Variants in ELMO1 observed in about 807,000 individuals in gnomAD.
ELMO1 encodes engulfment and cell motility protein 1.
Under a neutral mutation model 98.9 loss-of-function variants are expected in ELMO1, and 26 were observed. That is an observed-to-expected ratio of 0.26 (90% CI 0.19 to 0.36). The LOEUF (loss-of-function observed/expected upper bound fraction) is 0.36, where lower values mean the gene tolerates loss of function less well. Among genes scored for constraint, ELMO1 ranks in the 10% least tolerant of loss-of-function variants. The pLI, the probability that ELMO1 is intolerant of heterozygous loss-of-function variation, is 1.00. For missense variants in ELMO1, 627 were observed against 935.2 expected, an observed-to-expected ratio of 0.67 and a Z score of 4.30; for synonymous variants, 346 against 346.0, an observed-to-expected ratio of 1.00 and a Z score of 0.00.
intron 1 of ELMO1, among the ~76,000 whole-genome samples, chr7:37,389,451 C>T (rs1802967132): frequency 6.6e-6 from 1 of 152,186 alleles, no homozygotes; most frequent in Non-Finnish European, 1.5e-5. Context: ...GAGTGTTTTT[C>T]CCTCCATTGT....
chr7:37,254,128 G>C (rs540190734), intron 6 of ELMO1, among the ~76,000 whole-genome samples: 1 of 152,286 alleles, frequency 6.6e-6, no homozygotes, highest in East Asian at 1.9e-4. Flanking sequence ...TGCAGGACCA[G>C]CAGAAGGAAG....
At chr7:37,120,963 T>C (rs1158665767) in intron 14 of ELMO1, among the ~76,000 whole-genome samples, 1 of 152,160 alleles carries the variant, frequency 6.6e-6, no homozygotes, top group Non-Finnish European at 1.5e-5. Flanking sequence ...CATCTGCTGT[T>C]TACCAATATT....
chr7:36,894,822 T>A, intron 17 of ELMO1, 32 bp downstream of exon 17: 2 of 1,613,656 alleles, frequency 1.2e-6, no homozygotes, highest in Non-Finnish European at 1.7e-6. Flanking sequence ...TAGAGTCTTT[T>A]GGGAGATAGA....
intron 13 of ELMO1, among the ~76,000 whole-genome samples, chr7:37,198,097 T>C (rs959531473): frequency 1.3e-5 from 2 of 152,322 alleles, no homozygotes; most frequent in African/African-American, 4.8e-5. Flanking sequence ...ACATGCTAAT[T>C]CCTGAGTAGC....
At chr7:37,447,698 C>G (rs1217146476) in intron 1 of ELMO1, among the ~76,000 whole-genome samples, 2 of 146,660 alleles carry the variant, frequency 1.4e-5, no homozygotes, top group Admixed American at 6.8e-5. Flanking sequence ...CACATACATA[C>G]GCGCGCGCGC....
At chr7:36,953,866 T>C (rs1788217037) in intron 16 of ELMO1, among the ~76,000 whole-genome samples, 1 of 137,420 alleles carries the variant, frequency 7.3e-6, no homozygotes, top group African/African-American at 3.3e-5. Flanking sequence ...TGTGTGTGTG[T>C]GTGTGTGTGT....
chr7:37,137,392 T>C (rs112600330), intron 13 of ELMO1, among the ~76,000 whole-genome samples: 3,506 of 152,202 alleles, frequency 0.023, 144 homozygotes, highest in African/African-American at 0.081. Flanking sequence ...AAAGAAACAA[T>C]GGACTTAAAC....
At chr7:37,417,923 A>G (rs987505805) in intron 1 of ELMO1, among the ~76,000 whole-genome samples, 1 of 152,176 alleles carries the variant, frequency 6.6e-6, no homozygotes, top group Non-Finnish European at 1.5e-5. Context: ...GCTTGGAGTG[A>G]TACTGCACAA....
chr7:37,304,907 G>A (rs1798531298), intron 4 of ELMO1, among the ~76,000 whole-genome samples: 1 of 152,090 alleles, frequency 6.6e-6, no homozygotes, highest in Non-Finnish European at 1.5e-5. Context: ...GTTGTTCCTC[G>A]GTTATTGGAA....
At chr7:37,011,265 T>C (rs567637975) in intron 16 of ELMO1, among the ~76,000 whole-genome samples, 16 of 152,318 alleles carry the variant, frequency 1.1e-4, no homozygotes, top group Middle Eastern at 3.4e-3. Context: ...ACAGGCAGGA[T>C]GTCTGCCACC....
rs1425121 is a variant in ELMO1 at position 37,435,867 on chromosome 7, C to T, written c.-74+12808G>A. 4.0e-3 allele frequency among the ~76,000 whole-genome samples: 603 copies of T among 152,332 alleles called. 15 individuals are homozygous for T. The highest frequency in any genetic ancestry group is 0.037 in the Admixed American group (559 of 15,304). On this transcript the variant is annotated intron_variant, in intron 1 of 21. Transcript: ENST00000310758. ...CTGGGATAATGGTTTGCTGCCCCGA[C>T]GGTGCTCTTTTACACACTCCTGAGG...
At chr7:37,316,658 G>A (rs1041336277) in intron 2 of ELMO1, among the ~76,000 whole-genome samples, 1 of 152,202 alleles carries the variant, frequency 6.6e-6, no homozygotes, top group African/African-American at 2.4e-5. Context: ...AGCTCTCCCA[G>A]AGATGTGGAA....
intron 1 of ELMO1, among the ~76,000 whole-genome samples, chr7:37,362,080 T>A (rs978846720): frequency 6.6e-6 from 1 of 152,144 alleles, no homozygotes; most frequent in Non-Finnish European, 1.5e-5. Flanking sequence ...CGAGGTAGCA[T>A]GAAGAAAATA....
rs188816309 is a variant in ELMO1 at position 36,863,701 on chromosome 7, T to C, written c.1906-1965A>G. ...AAAAGCACGAGACATGAACACCATG[T>C]ACACACTGATCACAATTATGAACAA... On this transcript the variant is annotated intron_variant, in intron 20 of 21. Coordinates refer to ENST00000310758, the MANE Select transcript of ELMO1 (RefSeq NM_014800.11). 4.6e-5 allele frequency among the ~76,000 whole-genome samples: 7 copies of C among 152,292 alleles called. No individual in the cohort carries two copies. In the East Asian group the frequency reaches 5.8e-4, roughly 13 times the overall value.
intron 1 of ELMO1, among the ~76,000 whole-genome samples, chr7:37,372,725 T>G (rs1267757475): frequency 6.6e-6 from 1 of 152,212 alleles, no homozygotes; most frequent in Non-Finnish European, 1.5e-5. Flanking sequence ...TCACCCTACT[T>G]TCTGCCAGTC....
At chr7:37,225,635 A>G (rs1793828753) in intron 8 of ELMO1, among the ~76,000 whole-genome samples, 1 of 152,212 alleles carries the variant, frequency 6.6e-6, no homozygotes, top group Non-Finnish European at 1.5e-5. Context: ...TCTCTCCCAA[A>G]TTTAGCAAAC....
At chr7:36,890,398 G>A (rs1253604535) in intron 17 of ELMO1, among the ~76,000 whole-genome samples, 1 of 152,162 alleles carries the variant, frequency 6.6e-6, no homozygotes, top group Non-Finnish European at 1.5e-5. Context: ...ACTACCCACT[G>A]TCCATCTCTC....
intron 13 of ELMO1, among the ~76,000 whole-genome samples, chr7:37,193,664 C>T (rs926787331): frequency 7.2e-5 from 11 of 152,134 alleles, no homozygotes; most frequent in Admixed American, 4.6e-4. Context: ...CACTAGGAAA[C>T]GGCGAAAATA....
chr7:37,429,265 A>G (rs1232724413), intron 1 of ELMO1: 6 of 152,326 alleles, frequency 3.9e-5, no homozygotes, highest in African/African-American at 1.4e-4. Context: ...TCAGGATCCA[A>G]CTTGTCTTCT....
Sources: allele counts gnomAD v4.1 joint callset (sites outside exome capture counted in the v4.1 genomes callset), GRCh38; gene constraint gnomAD v4.1.1; transcripts MANE v1.5; gene names NCBI Gene and HGNC (gene_info 2026-07-23, HGNC 2026-07-21).